Variants in SYNPO2 observed in about 807,000 individuals in gnomAD.
SYNPO2 encodes the protein synaptopodin 2, also known as synaptopodin-2.
A neutral mutation model predicts 85.0 loss-of-function variants in SYNPO2; 56 were observed. The ratio of observed to expected loss-of-function variants is 0.66; its 90% confidence interval spans 0.53 to 0.82. The LOEUF (loss-of-function observed/expected upper bound fraction) is 0.82. SYNPO2 is among the 40% of genes least tolerant of loss of function. SYNPO2 has a pLI of 0.00. For missense variants in SYNPO2, 1,575 were observed against 1,534.2 expected, an observed-to-expected ratio of 1.03 and a Z score of -0.44; for synonymous variants, 602 against 591.1, an observed-to-expected ratio of 1.02 and a Z score of -0.27.
chr4:119,058,043 G>A lies in SYNPO2; in HGVS notation c.*109G>A. ...TTAGATTCACTTTTGGTCTTGGCTT[G>A]TTCTCATAAGTCATTTATCTAAGTT... On this transcript the variant is annotated 3_prime_UTR_variant, in exon 5 of 5. Transcript: ENST00000307142. 1 of 1,193,210 alleles carries A rather than the reference G, an allele frequency of 8.4e-7. No homozygotes were observed. The highest frequency in any genetic ancestry group is 1.6e-5 in the South Asian group (1 of 61,788). 73.9% of individuals were successfully genotyped at this position (1,193,210 alleles called of 1,614,324 possible).
At chr4:118,892,511 A>C (rs1203761091) in intron 1 of SYNPO2, among the ~76,000 whole-genome samples, 1 of 152,158 alleles carries the variant, frequency 6.6e-6, no homozygotes, top group Non-Finnish European at 1.5e-5. Flanking sequence ...TTCTTTATGA[A>C]ACTCTCTCTT....
At chr4:119,049,938 CTTTAATCCAAA>C (rs1216843794) in intron 4 of SYNPO2, among the ~76,000 whole-genome samples, 6 of 152,120 alleles carry the variant, frequency 3.9e-5, no homozygotes, top group Admixed American at 1.3e-4. Flanking sequence ...TGCCAGTATT[CTTTAATCCAAA>C]TTTAATCCAA....
At chr4:119,023,063 A>G (rs555364128) in intron 1 of SYNPO2, among the ~76,000 whole-genome samples, 1 of 152,338 alleles carries the variant, frequency 6.6e-6, no homozygotes, top group East Asian at 1.9e-4. Context: ...GGCATAAGCC[A>G]CCACGCCTGG....
rs1739321890 is a variant in SYNPO2, at chr4:119,059,145, T to C, written c.*1211T>C. On this transcript the variant is annotated 3_prime_UTR_variant, in exon 5 of 5. Coordinates refer to ENST00000307142, the MANE Select transcript of SYNPO2 (RefSeq NM_133477.3). ...GTTTAGGAGTGGATTAGGTAATTAG[T>C]GTCACTACATGTATCATTAAAGGTC... 6.6e-6 allele frequency: 1 copy of C among 152,236 alleles called. No homozygotes were observed. The highest frequency in any genetic ancestry group is 1.5e-5 in the Non-Finnish European group (1 of 68,042). The allele number at this position is 152,236 out of a possible 1,614,324, so 9.4% of individuals were successfully genotyped here. A position where few individuals can be genotyped will look rare whatever the true frequency, so the allele number is the denominator to read the frequency against.
At chr4:118,887,233 C>T (rs2149112059), upstream of SYNPO2, among the ~76,000 whole-genome samples, 1 of 150,130 alleles carries the variant, frequency 6.7e-6, no homozygotes, top group South Asian at 2.1e-4. Context: ...CAGGGCTGTC[C>T]AGGGCTGATT....
intron 1 of SYNPO2, among the ~76,000 whole-genome samples, chr4:119,003,962 A>G (rs1736916980): frequency 6.6e-6 from 1 of 152,082 alleles, no homozygotes; most frequent in South Asian, 2.1e-4. Context: ...TTCCACCCTC[A>G]GCTGTGCCTG....
At chr4:119,007,019 G>A (rs1350950597) in intron 1 of SYNPO2, among the ~76,000 whole-genome samples, 2 of 150,704 alleles carry the variant, frequency 1.3e-5, no homozygotes, top group Admixed American at 6.7e-5. Flanking sequence ...TAAGGGTTAT[G>A]GACATCACAT....
Position 119,030,448 on chromosome 4 carries a change from G to C in SYNPO2, c.1673G>C (p.Ser558Thr), listed in dbSNP as rs1738179704. Residue 558 changes from serine (S) to threonine (T), a missense_variant, in exon 4 of 5, where the codon AGT (serine) becomes ACT (threonine). Around this residue, in one of 3 missense-constraint regions of SYNPO2, gnomAD observed 1,508 missense variants for 1,446.8 expected, o/e 1.04. Coordinates refer to ENST00000307142, the MANE Select transcript of SYNPO2 (RefSeq NM_133477.3). Reference sequence around the variant, plus strand: ...GTGAGCAAAAGCTACATCGAGGTGAGTCATGGTCTTGGCCATGTTCCCCAA... The same window carrying C: ...GTGAGCAAAAGCTACATCGAGGTGACTCATGGTCTTGGCCATGTTCCCCAA... ...SSVSKSYIEV[S>T]HGLGHVPQQN... 6.2e-7 allele frequency: 1 copy of C among 1,614,180 alleles called. No individual in the cohort carries two copies. The highest frequency in any genetic ancestry group is 2.2e-5 in the East Asian group (1 of 44,870).
At chr4:118,977,520 C>T (rs1399358434) in intron 1 of SYNPO2, among the ~76,000 whole-genome samples, 1 of 152,238 alleles carries the variant, frequency 6.6e-6, no homozygotes, top group Non-Finnish European at 1.5e-5. Flanking sequence ...CTGAAGGGCT[C>T]CTCAAATGCC....
At chr4:119,055,188 G>A (rs1339008232) in intron 4 of SYNPO2, among the ~76,000 whole-genome samples, 1 of 150,230 alleles carries the variant, frequency 6.7e-6, no homozygotes, top group East Asian at 1.9e-4. Flanking sequence ...GTCTTGCTCT[G>A]TCACCCAGGC....
chr4:118,962,285 T>C (rs1236911185), intron 1 of SYNPO2, among the ~76,000 whole-genome samples: 2 of 152,138 alleles, frequency 1.3e-5, no homozygotes. Context: ...TGATAGAAAA[T>C]AGCCAATTTA....
At chr4:119,015,434 A>G (rs867810778) in intron 1 of SYNPO2, among the ~76,000 whole-genome samples, 18 of 152,182 alleles carry the variant, frequency 1.2e-4, no homozygotes, top group Non-Finnish European at 1.0e-4. Flanking sequence ...CAGACTTCAT[A>G]TGTCTAGAGC....
chr4:118,899,045 GTT>G (rs1732637929), intron 1 of SYNPO2, among the ~76,000 whole-genome samples: 1 of 152,212 alleles, frequency 6.6e-6, no homozygotes, highest in African/African-American at 2.4e-5. Context: ...GCTCTTCCAT[GTT>G]GCTGTGATCA....
At chr4:118,953,962 C>A (rs1734780437) in intron 1 of SYNPO2, among the ~76,000 whole-genome samples, 1 of 152,198 alleles carries the variant, frequency 6.6e-6, no homozygotes, top group South Asian at 2.1e-4. Context: ...TCCTCTTCCT[C>A]TACCCCAGAA....
chr4:119,044,174 G>T (rs138305554), intron 4 of SYNPO2, among the ~76,000 whole-genome samples: 119 of 152,066 alleles, frequency 7.8e-4, no homozygotes, highest in Non-Finnish European at 1.3e-3. Context: ...AATGTAACTG[G>T]GATACTTCTG....
intron 1 of SYNPO2, among the ~76,000 whole-genome samples, chr4:118,931,454 G>C (rs1009836296): frequency 6.6e-6 from 1 of 152,088 alleles, no homozygotes. Context: ...AAATTGATAG[G>C]TTCTTTTGTG....
intron 1 of SYNPO2, among the ~76,000 whole-genome samples, chr4:118,900,683 C>T (rs1036668708): frequency 2.4e-5 from 1 of 41,790 alleles, no homozygotes; most frequent in Non-Finnish European, 5.6e-5. Context: ...CTCTCTCTCT[C>T]TCTCTCTCTC....
intron 1 of SYNPO2, among the ~76,000 whole-genome samples, chr4:118,915,011 CAA>C (rs5861394): frequency 3.4e-4 from 50 of 144,966 alleles, no homozygotes; most frequent in African/African-American, 7.8e-4. Context: ...AAAAGTTCTA[CAA>C]AAAAAAAAAC....
rs546616041 is a variant in SYNPO2, at chr4:118,958,122, T to A, written c.106-65308T>A. Among the ~76,000 whole-genome samples, 49 of 152,334 alleles carry A rather than the reference T, an allele frequency of 3.2e-4. 1 individual carries two copies. In the South Asian group the frequency reaches 3.7e-3, roughly 12 times the overall value. On this transcript the variant is annotated intron_variant, in intron 1 of 4. Transcript: ENST00000307142. The stretch of plus-strand genomic sequence containing the variant: ...ACTTCTTCTGCTTTAACTTTTCATC[T>A]TTCAAGGGACTTTACTCTTAGCATT...
Sources: gnomAD v4.1 joint callset for allele counts (sites outside exome capture counted in the v4.1 genomes callset) on GRCh38, gnomAD v4.1.1 for gene constraint, gnomAD v4.1.1 regional missense constraint, MANE v1.5 for transcripts, NCBI Gene and HGNC (gene_info 2026-07-23, HGNC 2026-07-21) for gene names.